The following RPA3 variants were observed in gnomAD, a reference collection of about 807,000 sequenced individuals.
RPA3 encodes replication protein A3, also known as replication protein A 14 kDa subunit.
A neutral mutation model predicts 13.7 loss-of-function variants in RPA3; 24 were observed. The ratio of observed to expected loss-of-function variants is 1.75; its 90% CI spans 1.27 to 2.46. The LOEUF is 2.46. Among genes scored for constraint, RPA3 ranks in the 30% most tolerant of loss-of-function variants. The probability of loss-of-function intolerance (pLI) is 0.00; values close to 1 mark genes in which losing one functional copy is unlikely to be tolerated. For missense variants in RPA3, 183 were observed against 151.0 expected, an observed-to-expected ratio of 1.21 and a Z score of -1.11; for synonymous variants, 59 against 51.2, an observed-to-expected ratio of 1.15 and a Z score of -0.65.
Position 7,636,980 on chromosome 7 carries a change from C to G in RPA3, c.*20G>C, listed in dbSNP as rs746985088. On this transcript the variant is annotated 3_prime_UTR_variant, in exon 8 of 8. Coordinates refer to ENST00000223129, the MANE Select transcript of RPA3 (RefSeq NM_002947.5). ...GACTTTAATATAGCTCATTTACAATCGTATGAAAATCCATCAAGATCAATC... is the reference window on the plus strand; with the variant it reads ...GACTTTAATATAGCTCATTTACAATGGTATGAAAATCCATCAAGATCAATC... 5 of 1,544,350 alleles carry G rather than the reference C, an allele frequency of 3.2e-6. No individual in the cohort carries two copies. Among genetic ancestry groups the G allele is most frequent in the Non-Finnish European group, 4.5e-6 (5 of 1,118,512 alleles).
At chr7:7,676,061 G>A (rs970102815) in intron 4 of RPA3, 11 of 398,470 alleles carry the variant, frequency 2.8e-5, no homozygotes, top group East Asian at 2.5e-4. Context: ...CTCTGTCTTC[G>A]TTCTCTTTTC....
At chr7:7,677,668 T>G (rs1199162482) in intron 4 of RPA3, among the ~76,000 whole-genome samples, 1 of 131,520 alleles carries the variant, frequency 7.6e-6, no homozygotes, top group Non-Finnish European at 1.6e-5. Flanking sequence ...TTTTTTGTTT[T>G]TTTTTTTTTT....
At chr7:7,688,812 C>T (rs1780100583) in intron 2 of RPA3, among the ~76,000 whole-genome samples, 1 of 152,088 alleles carries the variant, frequency 6.6e-6, no homozygotes, top group African/African-American at 2.4e-5. Context: ...AAAGCTGATC[C>T]TCAGTCTGTA....
intron 4 of RPA3, among the ~76,000 whole-genome samples, chr7:7,677,914 C>T (rs956717457): frequency 3.3e-5 from 5 of 151,636 alleles, no homozygotes; most frequent in Non-Finnish European, 5.9e-5. Context: ...ACCTCGTGAT[C>T]CGCCCGCCTC....
At chr7:7,676,752 G>T (rs1779750814) in intron 4 of RPA3, among the ~76,000 whole-genome samples, 2 of 152,072 alleles carry the variant, frequency 1.3e-5, no homozygotes, top group African/African-American at 4.8e-5. Flanking sequence ...GTTGAAATTG[G>T]AAGTTGGTAT....
chr7:7,707,861 G>C (rs1032323764), intron 2 of RPA3, among the ~76,000 whole-genome samples: 3 of 152,118 alleles, frequency 2.0e-5, no homozygotes, highest in African/African-American at 7.2e-5. Context: ...TAGTTATTTT[G>C]CTATGTGAGC....
chr7:7,674,082 C>T (rs930215821), intron 4 of RPA3, among the ~76,000 whole-genome samples: 2 of 152,176 alleles, frequency 1.3e-5, no homozygotes, highest in African/African-American at 4.8e-5. Flanking sequence ...TTTGTATGCT[C>T]TTCCCAGAAA....
At chr7:7,690,192 A>G (rs1263494578) in intron 2 of RPA3, among the ~76,000 whole-genome samples, 1 of 152,216 alleles carries the variant, frequency 6.6e-6, no homozygotes, top group Admixed American at 6.5e-5. Context: ...GTCTTTAACT[A>G]GCAACTCACC....
At chr7:7,692,814 G>A (rs182149657) in intron 2 of RPA3, among the ~76,000 whole-genome samples, 1 of 152,212 alleles carries the variant, frequency 6.6e-6, no homozygotes, top group East Asian at 1.9e-4. Flanking sequence ...TCACCATGTT[G>A]GTCAGGATGG....
rs1172092316 is a variant in RPA3 at position 7,640,268 on chromosome 7, G to A, written c.99+52C>T. 3 of 1,568,122 alleles carry A rather than the reference G, an allele frequency of 1.9e-6. 1 individual carries two copies. The South Asian group carries it at 3.3e-5, about 17-fold the overall frequency. On this transcript the variant is annotated intron_variant, in intron 5 of 7. Coordinates refer to ENST00000223129, the MANE Select transcript of RPA3 (RefSeq NM_002947.5). ...TTTCATCCCCCGTTATCCAGGCGGGGTCCCTCCCTCCAGCTACGGACTTGG... is the reference window on the plus strand; with the variant it reads ...TTTCATCCCCCGTTATCCAGGCGGGATCCCTCCCTCCAGCTACGGACTTGG...
At chr7:7,707,985 C>A (rs1780647712) in intron 2 of RPA3, among the ~76,000 whole-genome samples, 1 of 152,170 alleles carries the variant, frequency 6.6e-6, no homozygotes, top group East Asian at 1.9e-4. Context: ...CTTTAGTTGT[C>A]ACTTTTTTAA....
intron 2 of RPA3, among the ~76,000 whole-genome samples, chr7:7,708,418 C>G (rs918888137): frequency 6.6e-6 from 1 of 152,058 alleles, no homozygotes; most frequent in Non-Finnish European, 1.5e-5. Flanking sequence ...AAACAGTTAC[C>G]CAAGTGTCAG....
rs1780670714 is a variant in RPA3, at chr7:7,708,667, ACTT to A, written c.-1028+6505_-1028+6507del. On this transcript the variant is annotated intron_variant, in intron 2 of 7. Coordinates refer to ENST00000223129, the MANE Select transcript of RPA3 (RefSeq NM_002947.5). Reference sequence around the variant, plus strand: ...AAAGTAGTAATATACTTTTCCTACTACTTCGTTTTGGCCATCTTAAAATTATAT... The same window carrying A: ...AAAGTAGTAATATACTTTTCCTACTACGTTTTGGCCATCTTAAAATTATAT... 2.0e-5 allele frequency among the ~76,000 whole-genome samples: 3 copies of A among 152,222 alleles called. No homozygotes were observed. The South Asian group carries it at 6.2e-4, about 31-fold the overall frequency.
rs1348876927 is a variant in RPA3, at chr7:7,636,801, T to C, written c.*199A>G. ...TTCTTGCATCTAATCTGACCATATA[T>C]TGGAGTAGCAATTCTTTATAAAAGG... On this transcript the variant is annotated 3_prime_UTR_variant, in exon 8 of 8. Transcript: ENST00000223129. The C allele has an allele frequency of 7.5e-6, 4 of 530,662 alleles. No homozygotes were observed. The highest frequency in any genetic ancestry group is 3.7e-5 in the Admixed American group (1 of 27,058). The allele number at this position is 530,662 out of a possible 1,614,324, so 32.9% of individuals were successfully genotyped here. A position where few individuals can be genotyped will look rare whatever the true frequency, so the allele number is the denominator to read the frequency against.
At position 7,709,191 on chromosome 7, in the gene RPA3, C is replaced by T. The variant is rs538555782; in HGVS notation, c.-1028+5984G>A. Among the ~76,000 whole-genome samples the T allele has an allele frequency of 6.6e-5, 10 of 152,184 alleles. 1 individual carries two copies. The highest frequency in any genetic ancestry group is 2.4e-4 in the African/African-American group (10 of 41,526). On this transcript the variant is annotated intron_variant, in intron 2 of 7. Coordinates refer to ENST00000223129, the MANE Select transcript of RPA3 (RefSeq NM_002947.5). ...GTTTGAAATTGACTGTCTTTGTTTT[C>T]CTATCTGTGTGCTGAGATTTATCTC...
chr7:7,692,781 C>T (rs1239079262), intron 2 of RPA3, among the ~76,000 whole-genome samples: 2 of 151,928 alleles, frequency 1.3e-5, no homozygotes, highest in Non-Finnish European at 2.9e-5. Context: ...AGCTAATTTT[C>T]GTATTTTTAG....
chr7:7,646,198 C>T (rs185045307), intron 4 of RPA3, among the ~76,000 whole-genome samples: 2 of 152,294 alleles, frequency 1.3e-5, no homozygotes, highest in African/African-American at 4.8e-5. Context: ...GAATTCTTGT[C>T]TAGCATCGAG....
chr7:7,701,895 A>C (rs1368923227), intron 2 of RPA3, among the ~76,000 whole-genome samples: 4 of 152,092 alleles, frequency 2.6e-5, no homozygotes, highest in African/African-American at 4.8e-5. Flanking sequence ...AATTCACTGC[A>C]ACCATTTCTG....
chr7:7,663,012 A>G (rs1183455172), intron 4 of RPA3, among the ~76,000 whole-genome samples: 1 of 83,966 alleles, frequency 1.2e-5, no homozygotes, highest in Non-Finnish European at 2.7e-5. Flanking sequence ...GCTTTGAAAA[A>G]GCCTTTTTTG....
Sources: allele counts gnomAD v4.1 joint callset (sites outside exome capture counted in the v4.1 genomes callset), GRCh38; gene constraint gnomAD v4.1.1; transcripts MANE v1.5; gene names NCBI Gene and HGNC (gene_info 2026-07-23, HGNC 2026-07-21).